Variants in POLR1A observed in about 807,000 individuals in gnomAD.
POLR1A encodes RNA polymerase I subunit A, also known as DNA-directed RNA polymerase I subunit RPA1.
POLR1A carries 84 observed loss-of-function variants against 205.3 expected under a neutral mutation model. The observed-to-expected ratio is 0.41, with a 90% CI of 0.34 to 0.49. The LOEUF is 0.49. Among genes scored for constraint, POLR1A ranks in the 20% least tolerant of loss-of-function variants. The pLI is 0.22. For synonymous variants in POLR1A, 799 were observed against 863.7 expected, an observed-to-expected ratio of 0.93 and a Z score of 1.31; for missense variants, 1,645 against 2,204.5, an observed-to-expected ratio of 0.75 and a Z score of 5.08.
chr2:86,062,531 A>G (rs1427286677), intron 14 of POLR1A, among the ~76,000 whole-genome samples: 3 of 152,176 alleles, frequency 2.0e-5, no homozygotes, highest in Non-Finnish European at 4.4e-5. Flanking sequence ...ATGAAAACAC[A>G]ACATATTAAT....
intron 11 of POLR1A, among the ~76,000 whole-genome samples, chr2:86,076,335 T>C (rs575537435): frequency 6.6e-6 from 1 of 152,326 alleles, no homozygotes; most frequent in South Asian, 2.1e-4. Flanking sequence ...AGCCTGAGCC[T>C]GCTCTACTGT....
Position 86,078,146 on chromosome 2 carries a change from G to C in POLR1A, c.1225C>G (p.Leu409Val), listed in dbSNP as rs2104419652. 1 of 1,612,868 alleles carries C rather than the reference G, an allele frequency of 6.2e-7. No individual in the cohort carries two copies. Among genetic ancestry groups the C allele is most frequent in the African/African-American group, 1.3e-5 (1 of 74,906 alleles). The stretch of plus-strand genomic sequence containing the variant: ...ATGCCTGGGTACTTGTCCATCATTA[G>C]TTTGTCCATCTCGCTATCAAACACA... ...NIVFDSEMDK[L>V]MMDKYPGIRQ... Residue 409 changes from leucine to valine, a missense_variant, in exon 10 of 34, where the codon CTA becomes GTA. Leu to Val is a conservative substitution (Grantham distance 32). Around this residue, in one of 16 missense-constraint regions of POLR1A, gnomAD observed 131 missense variants for 214.5 expected, o/e 0.61. Transcript: ENST00000263857.
intron 13 of POLR1A, 166 bp from the exon 14 acceptor site, chr2:86,065,631 T>C: frequency 1.6e-6 from 1 of 623,294 alleles, no homozygotes; most frequent in Non-Finnish European, 2.8e-6. Context: ...GCCAACTGCT[T>C]CCCAAAGCAC....
At position 86,028,773 on chromosome 2, in the gene POLR1A, G is replaced by T; in HGVS notation, c.4780-62C>A. The T allele has an allele frequency of 1.6e-6, 2 of 1,222,756 alleles. No individual in the cohort carries two copies. The highest frequency in any genetic ancestry group is 1.2e-6 in the Non-Finnish European group (1 of 830,828). The allele number at this position is 1,222,756 out of a possible 1,614,324, so 75.7% of individuals were successfully genotyped here. A position where few individuals can be genotyped will look rare whatever the true frequency, so the allele number is the denominator to read the frequency against. On this transcript the variant is annotated intron_variant, in intron 31 of 33. Transcript: ENST00000263857. The surrounding 1 kb of genome is among the most constrained non-coding windows in gnomAD (Gnocchi z 4.5). The stretch of plus-strand genomic sequence containing the variant: ...TGGCCTTCTGCTCCCTTCTGCCTGC[G>T]TATCTCCCCCTGGCCGCTCTCTCTC...
chr2:86,045,680 A>G lies in POLR1A; in HGVS notation c.2823T>C (p.Tyr941=). The change falls in exon 20 of 34, where the codon TAT becomes TAC. Residue 941 remains tyrosine (Y), a synonymous_variant. Coordinates refer to ENST00000263857, the MANE Select transcript of POLR1A (RefSeq NM_015425.6). ...AGCCACCAGCCCTGGGGGTGAACTC[A>G]TAAGGCTCAAAGCAGGGCAGTGACT... ...SGKSLPCFEP[Y]EFTPRAGGFV... 10 of 1,613,482 alleles carry G rather than the reference A, an allele frequency of 6.2e-6. No individual in the cohort carries two copies. The highest frequency in any genetic ancestry group is 8.5e-6 in the Non-Finnish European group (10 of 1,179,842).
intron 3 of POLR1A, among the ~76,000 whole-genome samples, chr2:86,097,212 G>GATA: frequency 8.2e-4 from 1 of 1,222 alleles, no homozygotes; most frequent in Non-Finnish European, 2.3e-3. Flanking sequence ...ATCCCCAAAA[G>GATA]ACAAAAAAAA....
chr2:86,088,850 G>C lies in POLR1A; in HGVS notation c.561C>G (p.Ser187Arg). ...QGAHVKNVCE[S>R]KSKLIALFWK... is the part of the protein sequence containing the mutation. ...AGAAGAGAGCAATGAGCTTGCTCTT[G>C]CTCTCACACACGTTCTTTACCTGTT... Residue 187 changes from serine (S) to arginine (R), a missense_variant, in exon 5 of 34, where the codon AGC (serine) becomes AGG (arginine). Ser to Arg is a moderately radical substitution (Grantham distance 110). Transcript: ENST00000263857. The C allele has an allele frequency of 6.2e-7, 1 of 1,613,290 alleles. No individual in the cohort carries two copies. The highest frequency in any genetic ancestry group is 2.2e-5 in the East Asian group (1 of 44,866).
chr2:86,040,223 G>A (rs1406589653), intron 25 of POLR1A, 169 bp downstream of exon 25: 3 of 518,034 alleles, frequency 5.8e-6, no homozygotes, highest in African/African-American at 3.9e-5. Flanking sequence ...GAAACCAGCT[G>A]GGCTCTGGAA....
chr2:86,081,092 C>T, intron 8 of POLR1A, 114 bp from the exon 9 acceptor site: 1 of 945,652 alleles, frequency 1.1e-6, no homozygotes. Context: ...TCAAAACAAC[C>T]AACCTTCCTA....
At chr2:86,042,374 T>G (rs1365579933) in intron 23 of POLR1A, among the ~76,000 whole-genome samples, 1 of 152,026 alleles carries the variant, frequency 6.6e-6, no homozygotes, top group African/African-American at 2.4e-5. Flanking sequence ...TCTTTTAGAG[T>G]GAAACAGGAG....
chr2:86,099,685 A>G (rs1673778153), intron 2 of POLR1A, among the ~76,000 whole-genome samples: 1 of 152,154 alleles, frequency 6.6e-6, no homozygotes. Flanking sequence ...CCCCTGCAAC[A>G]AAAGGTGTAG....
intron 14 of POLR1A, among the ~76,000 whole-genome samples, chr2:86,063,335 CAAAAAAAAAAAAAAAAAA>C (rs34298205): frequency 2.4e-5 from 1 of 41,230 alleles, no homozygotes; most frequent in Non-Finnish European, 4.3e-5. Flanking sequence ...AACTCCATCT[CAAAAAAAAAAAAAAAAAA>C]AAAAAAAAAG....
chr2:86,102,684 A>G (rs1251888767), intron 1 of POLR1A, among the ~76,000 whole-genome samples: 5 of 152,242 alleles, frequency 3.3e-5, no homozygotes, highest in African/African-American at 1.2e-4. Flanking sequence ...TACAGAAAAT[A>G]CAGTGTCAAA....
chr2:86,097,736 G>A (rs1360525538), intron 3 of POLR1A, among the ~76,000 whole-genome samples: 1 of 152,168 alleles, frequency 6.6e-6, no homozygotes, highest in Non-Finnish European at 1.5e-5. Flanking sequence ...TAGAGGCTGA[G>A]TAGGGTAGGG....
chr2:86,030,097 A>G, intron 31 of POLR1A, 99 bp downstream of exon 31: 1 of 957,136 alleles, frequency 1.0e-6, no homozygotes, highest in Non-Finnish European at 1.6e-6. Context: ...GAAGGGCCAG[A>G]GTAAATCGCG....
rs764413159 is a variant in POLR1A at position 86,105,760 on chromosome 2, T to C, written c.17A>G (p.Asn6Ser). The change falls in exon 1 of 34, where the codon AAC becomes AGC. Residue 6 changes from asparagine to serine, a missense_variant. Asn to Ser is a conservative substitution (Grantham distance 46). This residue lies in a region of POLR1A where 330 missense variants were observed against 375.6 expected (regional missense o/e 0.88). Transcript: ENST00000263857. ...GCCCTGCAGCCGCCGCCAGGGCATG[T>C]TCTTGGAGATCAACATCCTCCAGGT... is the stretch of plus-strand genomic sequence containing the variant. MLISKNMPWRRLQGIS... is the reference protein window; with the variant it reads MLISKSMPWRRLQGIS... The C allele has an allele frequency of 3.7e-6, 6 of 1,613,926 alleles. No homozygotes were observed. The highest frequency in any genetic ancestry group is 4.2e-6 in the Non-Finnish European group (5 of 1,179,892).
At chr2:86,058,283 T>G (rs1672933562) in intron 14 of POLR1A, among the ~76,000 whole-genome samples, 1 of 152,010 alleles carries the variant, frequency 6.6e-6, no homozygotes, top group Non-Finnish European at 1.5e-5. Context: ...GTATTTTTAG[T>G]AGAGACAGGG....
chr2:86,040,639 G>A (rs1052807286), intron 24 of POLR1A, 80 bp from the exon 25 acceptor site: 34 of 1,150,094 alleles, frequency 3.0e-5, no homozygotes, highest in Admixed American at 2.1e-4. Flanking sequence ...AATGCTGCCC[G>A]AAACCAGAAA....
chr2:86,037,523 A>G (rs940909276), intron 27 of POLR1A, among the ~76,000 whole-genome samples: 1 of 152,244 alleles, frequency 6.6e-6, no homozygotes, highest in Non-Finnish European at 1.5e-5. Context: ...TCAGCGACGA[A>G]TGGGCATGGC....
Sources: gnomAD v4.1 joint callset for allele counts (sites outside exome capture counted in the v4.1 genomes callset) on GRCh38, gnomAD v4.1.1 for gene constraint, gnomAD v4.1.1 regional missense constraint, Gnocchi (gnomAD v3.1) non-coding constraint, MANE v1.5 for transcripts, NCBI Gene and HGNC (gene_info 2026-07-23, HGNC 2026-07-21) for gene names.